Variants in CAMTA1 observed in about 807,000 individuals in gnomAD.
CAMTA1 encodes calmodulin-binding transcription activator 1.
In CAMTA1, 27 loss-of-function variants were observed where a neutral mutation model predicts 170.9. The observed-to-expected ratio is 0.16, with a 90% CI of 0.12 to 0.22. The LOEUF (loss-of-function observed/expected upper bound fraction) is 0.22. CAMTA1 is among the 10% of genes least tolerant of loss of function. The probability of loss-of-function intolerance (pLI) is 1.00; values close to 1 mark genes in which losing one functional copy is unlikely to be tolerated. For missense variants in CAMTA1, 1,619 were observed against 2,217.2 expected (o/e 0.73, Z 5.42); for synonymous variants, 833 against 891.5 (o/e 0.93, Z 1.17).
chr1:7,747,445 A>G (rs1180454131), intron 18 of CAMTA1, among the ~76,000 whole-genome samples: 3 of 152,228 alleles, frequency 2.0e-5, no homozygotes, highest in Admixed American at 6.5e-5. Flanking sequence ...CAAACAGTAC[A>G]ATGCCTAATT....
rs764588825 is a variant in CAMTA1 at position 6,965,342 on chromosome 1, G to A, written c.235-125962G>A. 2.0e-5 allele frequency among the ~76,000 whole-genome samples: 3 copies of A among 152,074 alleles called. No homozygotes were observed. The highest frequency in any genetic ancestry group is 1.9e-4 in the East Asian group (1 of 5,188). ...GTGTGGGTGTGTGTGTAGGGGGCAC[G>A]CAGCCAGCTCTAACTTGAGCAGAGG... On this transcript the variant is annotated intron_variant, in intron 3 of 22. Transcript: ENST00000303635. This position sits in a 1 kb window ranked among gnomAD's most constrained non-coding sequence, Gnocchi z 4.1.
At chr1:6,943,846 C>CAAAAAA (rs1198830005) in intron 3 of CAMTA1, among the ~76,000 whole-genome samples, 6 of 51,644 alleles carry the variant, frequency 1.2e-4, no homozygotes, top group African/African-American at 2.2e-4. Context: ...GACTCTGTCT[C>CAAAAAA]AAAAAAAAAA....
At position 7,680,194 on chromosome 1, in the gene CAMTA1, A is replaced by G. The variant is rs1201347813; in HGVS notation, c.2914+2461A>G. 1 of 285,242 alleles carries G rather than the reference A, an allele frequency of 3.5e-6. No individual in the cohort carries two copies. Among genetic ancestry groups the G allele is most frequent in the Non-Finnish European group, 7.6e-6 (1 of 131,882 alleles). 17.7% of individuals were successfully genotyped at this position (285,242 alleles called of 1,614,324 possible). A position where few individuals can be genotyped will look rare whatever the true frequency, so the allele number is the denominator to read the frequency against. On this transcript the variant is annotated intron_variant, in intron 11 of 22. Coordinates refer to ENST00000303635, the MANE Select transcript of CAMTA1 (RefSeq NM_015215.4). This position sits in a 1 kb window ranked among gnomAD's most constrained non-coding sequence, Gnocchi z 4.4. ...GGCCATGAACTTTGCGTCCGGGCCAATGCTGCAGTGGCCGGGCGGTGGTGA... is the reference window on the plus strand; with the variant it reads ...GGCCATGAACTTTGCGTCCGGGCCAGTGCTGCAGTGGCCGGGCGGTGGTGA...
intron 4 of CAMTA1, among the ~76,000 whole-genome samples, chr1:7,118,102 C>T (rs557252254): frequency 3.3e-5 from 5 of 152,204 alleles, no homozygotes; most frequent in East Asian, 3.9e-4. Flanking sequence ...GAGCATCCGT[C>T]GCTCAAATCC....
chr1:6,879,096 C>T (rs1166561473), intron 3 of CAMTA1, among the ~76,000 whole-genome samples: 3 of 152,004 alleles, frequency 2.0e-5, no homozygotes, highest in East Asian at 1.9e-4. Context: ...GTAGAGTTTC[C>T]GCTTGAAAAA....
chr1:7,244,873 C>T (rs1665506202), intron 4 of CAMTA1, among the ~76,000 whole-genome samples: 1 of 151,362 alleles, frequency 6.6e-6, no homozygotes, highest in African/African-American at 2.4e-5. Flanking sequence ...GCACATGTAC[C>T]CTAAAGCTTA....
chr1:7,047,472 C>T (rs1006411153), intron 3 of CAMTA1, among the ~76,000 whole-genome samples: 5 of 152,208 alleles, frequency 3.3e-5, no homozygotes, highest in African/African-American at 1.2e-4. Flanking sequence ...AGTAGATTTA[C>T]ATTTCTCCAT....
At chr1:6,972,677 G>A (rs1692751088) in intron 3 of CAMTA1, among the ~76,000 whole-genome samples, 6 of 152,318 alleles carry the variant, frequency 3.9e-5, no homozygotes, top group Admixed American at 3.9e-4. Context: ...AGGGGCCAAA[G>A]CCTGAATTCT....
chr1:7,609,300 C>T lies in CAMTA1; in HGVS notation c.511-31100C>T, dbSNP rs781629383. Reference sequence around the variant, plus strand: ...GTGCCCGGCTGCTGGGTCACCCCATCGGCTGTTCTGTCATCAGACATCATG... The same window carrying T: ...GTGCCCGGCTGCTGGGTCACCCCATTGGCTGTTCTGTCATCAGACATCATG... On this transcript the variant is annotated intron_variant, in intron 6 of 22. Transcript: ENST00000303635. The surrounding 1 kb of genome is among the most constrained non-coding windows in gnomAD (Gnocchi z 4.4). Among the ~76,000 whole-genome samples, 22 of 152,214 alleles carry T rather than the reference C, an allele frequency of 1.4e-4. 1 individual carries two copies. The highest frequency in any genetic ancestry group is 1.2e-3 in the Admixed American group (19 of 15,292).
chr1:7,533,775 T>C (rs780037793), intron 6 of CAMTA1, among the ~76,000 whole-genome samples: 7 of 152,054 alleles, frequency 4.6e-5, no homozygotes, highest in Non-Finnish European at 7.4e-5. Context: ...TAGCCGGGCA[T>C]GGTGGTGTGC....
intron 11 of CAMTA1, among the ~76,000 whole-genome samples, chr1:7,690,791 CAG>C (rs932746891): frequency 1.2e-4 from 18 of 152,222 alleles, no homozygotes; most frequent in African/African-American, 4.3e-4. Context: ...GTGGGTGGCG[CAG>C]AGAGTCACAC....
intron 5 of CAMTA1, among the ~76,000 whole-genome samples, chr1:7,324,562 T>A (rs1678988409): frequency 6.6e-6 from 1 of 152,180 alleles, no homozygotes; most frequent in Non-Finnish European, 1.5e-5. Context: ...CGCCATGTTT[T>A]CAATTGAGTT....
intron 6 of CAMTA1, among the ~76,000 whole-genome samples, chr1:7,524,289 A>G (rs1458074809): frequency 6.6e-6 from 1 of 152,244 alleles, no homozygotes; most frequent in African/African-American, 2.4e-5. Context: ...CCACATATTT[A>G]TGATGAACAT....
chr1:6,950,182 A>T (rs958011647), intron 3 of CAMTA1, among the ~76,000 whole-genome samples: 14 of 152,252 alleles, frequency 9.2e-5, no homozygotes, highest in Admixed American at 9.2e-4. Context: ...GGCAGCAAGG[A>T]GGGGGACGGC....
At chr1:6,955,233 C>T (rs890599868) in intron 3 of CAMTA1, among the ~76,000 whole-genome samples, 2 of 152,042 alleles carry the variant, frequency 1.3e-5, no homozygotes, top group Non-Finnish European at 2.9e-5. Flanking sequence ...TGGGGGTAGA[C>T]GATAGTGACG....
chr1:7,001,440 T>C (rs985060641), intron 3 of CAMTA1, among the ~76,000 whole-genome samples: 1 of 152,236 alleles, frequency 6.6e-6, no homozygotes, highest in South Asian at 2.1e-4. Context: ...TCTGCAATAG[T>C]ATAAATGGTC....
At chr1:7,563,463 C>G (rs923657774) in intron 6 of CAMTA1, among the ~76,000 whole-genome samples, 2 of 152,210 alleles carry the variant, frequency 1.3e-5, no homozygotes, top group Non-Finnish European at 2.9e-5. Flanking sequence ...GCCTTCTGTT[C>G]CCACTCGGGC....
intron 5 of CAMTA1, among the ~76,000 whole-genome samples, chr1:7,387,901 C>A (rs1055545467): frequency 6.6e-6 from 1 of 152,152 alleles, no homozygotes; most frequent in Non-Finnish European, 1.5e-5. Context: ...CTTGGCTTTT[C>A]GCAGATAATG....
intron 4 of CAMTA1, among the ~76,000 whole-genome samples, chr1:7,124,365 C>T (rs1644813291): frequency 1.3e-5 from 2 of 152,190 alleles, no homozygotes; most frequent in Non-Finnish European, 2.9e-5. Context: ...AAGCAAATTC[C>T]CTGCTAGAAT....
Sources: allele counts gnomAD v4.1 joint callset (sites outside exome capture counted in the v4.1 genomes callset), GRCh38; gene constraint gnomAD v4.1.1; non-coding constraint Gnocchi (gnomAD v3.1); transcripts MANE v1.5; gene names NCBI Gene and HGNC (gene_info 2026-07-23, HGNC 2026-07-21).